The following MAEL variants were observed in gnomAD, a reference collection of about 807,000 sequenced individuals.
MAEL encodes maelstrom spermatogenic transposon silencer, also known as protein maelstrom homolog.
MAEL carries 46 observed loss-of-function variants against 62.0 expected under a neutral mutation model. The observed-to-expected ratio is 0.74, with a 90% CI of 0.59 to 0.95. MAEL has a LOEUF of 0.95. Ranked by LOEUF, MAEL falls within the 40% of genes least tolerant of loss-of-function variation. The pLI, the probability that MAEL is intolerant of heterozygous loss-of-function variation, is 0.00. For missense variants in MAEL, 497 were observed against 526.8 expected, an observed-to-expected ratio of 0.94 and a Z score of 0.55; for synonymous variants, 172 against 175.5, an observed-to-expected ratio of 0.98 and a Z score of 0.16.
At chr1:167,006,207 T>C (rs1664888921) in intron 8 of MAEL, 1 of 152,130 alleles carries the variant, frequency 6.6e-6, no homozygotes, top group Non-Finnish European at 1.5e-5. Flanking sequence ...CATATTCATA[T>C]TGTATTAGTT....
chr1:167,004,118 A>G (rs1188440763), intron 5 of MAEL, 62 bp from the exon 6 acceptor site: 9 of 1,473,240 alleles, frequency 6.1e-6, no homozygotes, highest in East Asian at 4.6e-5. Flanking sequence ...CCCCACTTCT[A>G]TACCTACCCC....
At position 166,990,043 on chromosome 1, in the gene MAEL, A is replaced by G. The variant is rs543621682; in HGVS notation, c.225+214A>G. The G allele has an allele frequency of 9.7e-5, 51 of 524,234 alleles. No individual in the cohort carries two copies. In the South Asian group the frequency reaches 1.4e-3, roughly 14 times the overall value. 32.5% of individuals were successfully genotyped at this position (524,234 alleles called of 1,614,324 possible). ...GGCATGCACACATTGGTGTAATTTGATGGTGAAAGGCCTGGGGAATTCCTG... is the reference window on the plus strand; with the variant it reads ...GGCATGCACACATTGGTGTAATTTGGTGGTGAAAGGCCTGGGGAATTCCTG... On this transcript the variant is annotated intron_variant, in intron 2 of 11. Coordinates refer to ENST00000367872, the MANE Select transcript of MAEL (RefSeq NM_032858.3).
At chr1:167,005,436 A>G (rs1664852403) in intron 8 of MAEL, 39 bp downstream of exon 8, 7 of 1,554,004 alleles carry the variant, frequency 4.5e-6, no homozygotes, top group Admixed American at 2.0e-5. Context: ...ATTTTGACTT[A>G]TTTTCTAGAC....
chr1:166,992,468 G>A (rs1439526352), intron 3 of MAEL, among the ~76,000 whole-genome samples: 4 of 152,148 alleles, frequency 2.6e-5, no homozygotes, highest in African/African-American at 9.7e-5. Flanking sequence ...TTCATGCAAA[G>A]AGTGGTTACT....
intron 8 of MAEL, among the ~76,000 whole-genome samples, chr1:167,014,115 G>C (rs931305550): frequency 1.3e-5 from 2 of 152,084 alleles, no homozygotes; most frequent in African/African-American, 4.8e-5. Context: ...TATTTTATTT[G>C]CCACAGATTT....
chr1:166,991,365 T>C lies in MAEL; in HGVS notation c.226-13T>C. ...CAAGAGTTTATGTGGCCAATCATTC[T>C]CTTCCTCTTTAGAAACCTGTTTTCA... On this transcript the variant is annotated splice_polypyrimidine_tract_variant and intron_variant, in intron 2 of 11. Transcript: ENST00000367872. 6.4e-7 allele frequency: 1 copy of C among 1,571,942 alleles called. No individual in the cohort carries two copies. Among genetic ancestry groups the C allele is most frequent in the Non-Finnish European group, 8.8e-7 (1 of 1,141,904 alleles).
At chr1:166,995,148 C>A (rs555638865) in intron 5 of MAEL, among the ~76,000 whole-genome samples, 41 of 151,902 alleles carry the variant, frequency 2.7e-4, no homozygotes, top group Non-Finnish European at 4.9e-4. Flanking sequence ...ATTTTGAATT[C>A]TTAATATGTA....
intron 8 of MAEL, among the ~76,000 whole-genome samples, chr1:167,008,617 ATGT>A (rs560779235): frequency 7.9e-5 from 12 of 151,452 alleles, no homozygotes; most frequent in Admixed American, 2.0e-4. Flanking sequence ...CTCTCTTTGT[ATGT>A]TGTTGTTCTT....
chr1:166,989,299 C>G lies in MAEL; in HGVS notation c.-54C>G, dbSNP rs1336440689. On this transcript the variant is annotated 5_prime_UTR_variant, in exon 1 of 12. Coordinates refer to ENST00000367872, the MANE Select transcript of MAEL (RefSeq NM_032858.3). ...TCTGTTACTTAGGGCGGGAGCCCGG[C>G]GAGGGCGCCGGTGCTTTGTTCTGTC... The G allele has an allele frequency of 2.6e-6, 4 of 1,568,132 alleles. No homozygotes were observed. The highest frequency in any genetic ancestry group is 1.3e-5 in the African/African-American group (1 of 74,128).
At chr1:166,977,629 T>G (rs1351167692) in intron 1 of MAEL, among the ~76,000 whole-genome samples, 1 of 152,194 alleles carries the variant, frequency 6.6e-6, no homozygotes, top group East Asian at 1.9e-4. Flanking sequence ...CAAAAGAGCT[T>G]GAATAGTGTT....
At chr1:166,980,759 C>A (rs959232139) in intron 1 of MAEL, among the ~76,000 whole-genome samples, 3 of 152,160 alleles carry the variant, frequency 2.0e-5, no homozygotes, top group Non-Finnish European at 2.9e-5. Flanking sequence ...GACAGCCCCC[C>A]AGATGAGCAG....
upstream of MAEL, among the ~76,000 whole-genome samples, chr1:166,984,098 T>C (rs1422597822): frequency 5.3e-5 from 8 of 152,012 alleles, no homozygotes; most frequent in Non-Finnish European, 1.0e-4. Context: ...ATTAGCACTG[T>C]CTCCCTCTGC....
chr1:167,010,847 C>T (rs953755634), intron 8 of MAEL, among the ~76,000 whole-genome samples: 2 of 152,106 alleles, frequency 1.3e-5, no homozygotes, highest in Admixed American at 6.5e-5. Flanking sequence ...GATAATTTAG[C>T]GGGAGGTTTG....
At chr1:166,994,477 C>G (rs1416378446) in intron 5 of MAEL, among the ~76,000 whole-genome samples, 2 of 152,036 alleles carry the variant, frequency 1.3e-5, no homozygotes, top group African/African-American at 4.8e-5. Context: ...AAACAGTTTT[C>G]TAAGTATTTT....
chr1:167,008,570 G>C (rs1008837335), intron 8 of MAEL, among the ~76,000 whole-genome samples: 34 of 151,870 alleles, frequency 2.2e-4, no homozygotes, highest in African/African-American at 8.2e-4. Context: ...TATTAGACCT[G>C]TTTTTCTATT....
chr1:166,992,535 A>G (rs1571244853), intron 3 of MAEL, 151 bp from the exon 4 acceptor site: 1 of 545,228 alleles, frequency 1.8e-6, no homozygotes, highest in Non-Finnish European at 3.1e-6. Flanking sequence ...GGTACGGCTG[A>G]TTGGTTTTCT....
At chr1:167,015,227 C>T (rs546959389) in intron 8 of MAEL, among the ~76,000 whole-genome samples, 7 of 152,118 alleles carry the variant, frequency 4.6e-5, no homozygotes, top group East Asian at 3.9e-4. Context: ...TATTTTTTGC[C>T]GGTACATAGT....
chr1:166,983,201 C>A (rs779169384), intron 1 of MAEL, among the ~76,000 whole-genome samples: 27 of 152,230 alleles, frequency 1.8e-4, no homozygotes, highest in Non-Finnish European at 3.8e-4. Context: ...TCAGTGAGCT[C>A]TTAATAAATA....
intron 5 of MAEL, among the ~76,000 whole-genome samples, chr1:167,000,574 G>T (rs1490074394): frequency 6.6e-6 from 1 of 152,208 alleles, no homozygotes; most frequent in African/African-American, 2.4e-5. Flanking sequence ...TAGCAGCAGG[G>T]TTTGAAAGGA....
Sources: gnomAD v4.1 joint callset for allele counts (sites outside exome capture counted in the v4.1 genomes callset) on GRCh38, gnomAD v4.1.1 for gene constraint, MANE v1.5 for transcripts, NCBI Gene and HGNC (gene_info 2026-07-23, HGNC 2026-07-21) for gene names.